RMDN1: variants seen among roughly 807,000 people sequenced by gnomAD.
RMDN1 encodes regulator of microtubule dynamics protein 1.
Under a neutral mutation model 48.9 loss-of-function variants are expected in RMDN1, and 48 were observed. The ratio of observed to expected loss-of-function variants is 0.98; its 90% CI spans 0.78 to 1.25. The LOEUF (loss-of-function observed/expected upper bound fraction) is 1.25. Ranked by LOEUF, RMDN1 falls within the 50% of genes most tolerant of loss-of-function variation. RMDN1 has a pLI of 0.00. For synonymous variants in RMDN1, 148 were observed against 132.6 expected (o/e 1.12, Z -0.80); for missense variants, 418 against 373.4 (o/e 1.12, Z -0.98).
intron 9 of RMDN1, 136 bp downstream of exon 9, chr8:86,474,684 A>G (rs781238409): frequency 5.6e-6 from 5 of 893,792 alleles, no homozygotes; most frequent in Admixed American, 3.6e-5. Flanking sequence ...ATGTCAATCA[A>G]TTTACACTTG....
At chr8:86,495,043 G>A in intron 2 of RMDN1, 1 of 325,238 alleles carries the variant, frequency 3.1e-6, no homozygotes, top group South Asian at 2.4e-5. Flanking sequence ...AACTAGAGGA[G>A]CCAAGATGGC....
At chr8:86,476,469 A>G (rs563191796) in intron 8 of RMDN1, among the ~76,000 whole-genome samples, 2 of 152,284 alleles carry the variant, frequency 1.3e-5, no homozygotes, top group South Asian at 2.1e-4. Flanking sequence ...ATATATTTCA[A>G]TGGTTTTTAT....
At chr8:86,503,390 CAAAAA>C (rs1405705068) in intron 2 of RMDN1, among the ~76,000 whole-genome samples, 3,157 of 56,634 alleles carry the variant, frequency 0.056, 127 homozygotes, top group Middle Eastern at 0.13. Flanking sequence ...AAAAAAAAAA[CAAAAA>C]AAAATAACAA....
chr8:86,501,129 G>A (rs1006902552), intron 2 of RMDN1, among the ~76,000 whole-genome samples: 2 of 152,026 alleles, frequency 1.3e-5, no homozygotes, highest in African/African-American at 2.4e-5. Flanking sequence ...AAAATCACTT[G>A]TACACCGAAT....
chr8:86,500,191 C>G (rs1216034267), intron 2 of RMDN1, among the ~76,000 whole-genome samples: 1 of 152,060 alleles, frequency 6.6e-6, no homozygotes, highest in Non-Finnish European at 1.5e-5. Context: ...TGGGACCTAA[C>G]TAAAGAGCTT....
downstream of RMDN1, chr8:86,468,605 T>G: frequency 2.2e-6 from 1 of 447,876 alleles, no homozygotes; most frequent in Non-Finnish European, 4.5e-6. Flanking sequence ...TAGGTATGAT[T>G]TAGCAGATTT....
intron 2 of RMDN1, among the ~76,000 whole-genome samples, chr8:86,492,509 C>T (rs540164570): frequency 9.9e-5 from 15 of 151,974 alleles, no homozygotes; most frequent in South Asian, 4.2e-4. Context: ...AAAAATCAGC[C>T]GGTCATGGTG....
intron 1 of RMDN1, 40 bp from the exon 2 acceptor site, chr8:86,507,152 A>G (rs1250856033): frequency 1.5e-6 from 2 of 1,322,740 alleles, no homozygotes; most frequent in South Asian, 2.4e-5. Context: ...AACTTTGAAA[A>G]TTTGAAGGTA....
chr8:86,503,577 T>C (rs111599399), intron 2 of RMDN1: 5 of 419,952 alleles, frequency 1.2e-5, no homozygotes, highest in African/African-American at 4.1e-5. Context: ...ATTAGGACCA[T>C]GCGGACACAG....
At chr8:86,508,397 C>T (rs1269586398) in intron 1 of RMDN1, 95 bp downstream of exon 1, 3 of 1,367,526 alleles carry the variant, frequency 2.2e-6, no homozygotes, top group East Asian at 2.6e-5. Flanking sequence ...CACCACATTC[C>T]TTAGGCAGCG....
chr8:86,489,588 T>C (rs1453228252), intron 2 of RMDN1, among the ~76,000 whole-genome samples: 1 of 152,126 alleles, frequency 6.6e-6, no homozygotes, highest in African/African-American at 2.4e-5. Context: ...TCCTAGCACT[T>C]TGGGAGGCTG....
At chr8:86,470,582 A>C (rs1812460678), downstream of RMDN1, among the ~76,000 whole-genome samples, 1 of 152,218 alleles carries the variant, frequency 6.6e-6, no homozygotes, top group African/African-American at 2.4e-5. Flanking sequence ...CTATGTAGAC[A>C]TAAAAACCTG....
chr8:86,500,439 T>C (rs556856540), intron 2 of RMDN1, among the ~76,000 whole-genome samples: 1 of 151,562 alleles, frequency 6.6e-6, no homozygotes, highest in Non-Finnish European at 1.5e-5. Flanking sequence ...TTCACATCAC[T>C]ATCACCACAG....
chr8:86,469,341 G>A (rs117937097), downstream of RMDN1, among the ~76,000 whole-genome samples: 344 of 152,214 alleles, frequency 2.3e-3, 4 homozygotes, highest in Middle Eastern at 3.4e-3. Context: ...TTTGCTTTTG[G>A]TAAATATGAC....
At chr8:86,508,728 T>C (rs901227839), upstream of RMDN1, 12 of 1,408,596 alleles carry the variant, frequency 8.5e-6, no homozygotes, top group African/African-American at 7.4e-5. Flanking sequence ...GCCCGCCTCC[T>C]GCACAGCACC....
At chr8:86,511,044 G>A (rs190545648), upstream of RMDN1, among the ~76,000 whole-genome samples, 1 of 152,228 alleles carries the variant, frequency 6.6e-6, no homozygotes, top group Non-Finnish European at 1.5e-5. Flanking sequence ...GCATGCTGTA[G>A]TCCCAGCTAC....
chr8:86,484,218 C>T (rs1039473941), intron 5 of RMDN1, among the ~76,000 whole-genome samples: 2 of 152,040 alleles, frequency 1.3e-5, no homozygotes, highest in African/African-American at 2.4e-5. Context: ...TCTTGGAAGC[C>T]GACTACCATG....
At chr8:86,469,394 C>T (rs577736149), downstream of RMDN1, among the ~76,000 whole-genome samples, 6 of 152,298 alleles carry the variant, frequency 3.9e-5, no homozygotes, top group African/African-American at 1.4e-4. Flanking sequence ...TCTCCAGATA[C>T]ACGACAGAAA....
At position 86,498,743 on chromosome 8, in the gene RMDN1, T is replaced by C. The variant is rs1817765346; in HGVS notation, c.247+8252A>G. The stretch of plus-strand genomic sequence containing the variant: ...TTGCAGTGAGCCAAGATTGCACTAC[T>C]GCACTCCAGCATGGGTGACAGAGTG... On this transcript the variant is annotated intron_variant, in intron 2 of 9. Transcript: ENST00000406452. Among the ~76,000 whole-genome samples the C allele has an allele frequency of 2.6e-5, 4 of 152,074 alleles. No homozygotes were observed. In the South Asian group the frequency reaches 8.3e-4, roughly 32 times the overall value.
Sources: allele counts gnomAD v4.1 joint callset (sites outside exome capture counted in the v4.1 genomes callset), GRCh38; gene constraint gnomAD v4.1.1; transcripts MANE v1.5; gene names NCBI Gene and HGNC (gene_info 2026-07-23, HGNC 2026-07-21).